The following HERC1 variants were observed in gnomAD, a reference collection of about 807,000 sequenced individuals.
The protein encoded by HERC1 is probable E3 ubiquitin-protein ligase HERC1.
In HERC1, 160 loss-of-function variants were observed where a neutral mutation model predicts 554.3. That is an observed-to-expected ratio of 0.29 (90% CI 0.25 to 0.33). The LOEUF (loss-of-function observed/expected upper bound fraction) is 0.33, where lower values mean the gene tolerates loss of function less well. Among genes scored for constraint, HERC1 ranks in the 10% least tolerant of loss-of-function variants. The pLI is 1.00. For synonymous variants in HERC1, 2,175 were observed against 2,131.7 expected (o/e 1.02, Z -0.56); for missense variants, 4,919 against 5,918.5 (o/e 0.83, Z 5.54).
At chr15:63,686,687 T>C (rs1008218426) in intron 33 of HERC1, among the ~76,000 whole-genome samples, 152 bp from the exon 34 acceptor site, 3 of 152,192 alleles carry the variant, frequency 2.0e-5, no homozygotes, top group Non-Finnish European at 2.9e-5. Context: ...CAATGATAAA[T>C]AGAGCATGGT....
rs547911176 is a variant in HERC1, at chr15:63,619,208, G to A, written c.13689-2526C>T. Among the ~76,000 whole-genome samples, 519 of 152,258 alleles carry A rather than the reference G, an allele frequency of 3.4e-3. 2 individuals carry two copies. The highest frequency in any genetic ancestry group is 5.8e-3 in the Non-Finnish European group (393 of 68,012). On this transcript the variant is annotated intron_variant, in intron 74 of 77. Coordinates refer to ENST00000443617, the MANE Select transcript of HERC1 (RefSeq NM_003922.4). ...TTATTGAGAGTTTTTAGCATGAAGC[G>A]TTGTTGAATTTTGTCAAAGGCCTTT...
Position 63,609,199 on chromosome 15 carries a change from T to C in HERC1, c.14468A>G (p.Gln4823Arg). The change falls in exon 78 of 78, where the codon CAG becomes CGG. Residue 4823 changes from glutamine to arginine, a missense_variant. Physicochemically the swap from Gln to Arg is conservative, Grantham distance 43. Transcript: ENST00000443617. Reference protein sequence around the residue: ...FQLRLPPYSSQLVMAERLRYA... With the variant: ...FQLRLPPYSSRLVMAERLRYA... ...GCGCAGGCGCTCGGCCATGACCAGC[T>C]GGCTGGAGTACGGGGGCAGCCTCAG... The C allele has an allele frequency of 6.2e-7, 1 of 1,613,736 alleles. No individual in the cohort carries two copies. Among genetic ancestry groups the C allele is most frequent in the African/African-American group, 1.3e-5 (1 of 75,052 alleles).
At position 63,674,747 on chromosome 15, in the gene HERC1, TTTGATGTTGGGA is replaced by T. The variant is rs774541143; in HGVS notation, c.7429_7440del (p.Ser2477_Gln2480del). On this transcript the variant is annotated inframe_deletion, in exon 38 of 78. Transcript: ENST00000443617. ...TGATTTTTTCTTTTCCCTTCTGTTA[TTTGATGTTGGGA>T]TTCCACACTTGGCAGTGTTGGATCT... is the stretch of plus-strand genomic sequence containing the variant. The T allele has an allele frequency of 6.2e-7, 1 of 1,613,922 alleles. No homozygotes were observed.
chr15:63,792,060 G>A (rs1478426570), intron 1 of HERC1, among the ~76,000 whole-genome samples: 1 of 152,096 alleles, frequency 6.6e-6, no homozygotes, highest in African/African-American at 2.4e-5. Flanking sequence ...TACATAGTAG[G>A]TTCACTGATT....
intron 1 of HERC1, among the ~76,000 whole-genome samples, chr15:63,824,592 G>A (rs933839430): frequency 2.0e-5 from 3 of 151,520 alleles, no homozygotes; most frequent in East Asian, 1.9e-4. Flanking sequence ...CTCTCTTCTC[G>A]GTTTTAACCC....
At position 63,725,477 on chromosome 15, in the gene HERC1, A is replaced by G. The variant is rs1368319723; in HGVS notation, c.3383T>C (p.Leu1128Ser). 2.5e-6 allele frequency: 4 copies of G among 1,613,974 alleles called. No homozygotes were observed. Among genetic ancestry groups the G allele is most frequent in the Non-Finnish European group, 3.4e-6 (4 of 1,179,882 alleles). The change falls in exon 18 of 78, where the codon TTA becomes TCA. Residue 1128 changes from leucine to serine, a missense_variant. Transcript: ENST00000443617. The part of the protein sequence containing the change: ...PELIDPAGLP[L>S]PQPAQSWVWL... ...TACCCAGGACTGAGCTGGCTGAGGT[A>G]ATGGCAGACCAGCAGGATCAATTAG...
intron 12 of HERC1, among the ~76,000 whole-genome samples, chr15:63,746,527 T>TTACA (rs1296678690): frequency 6.6e-6 from 1 of 152,218 alleles, no homozygotes; most frequent in Non-Finnish European, 1.5e-5. Flanking sequence ...TTAGCTCTGG[T>TTACA]TACAGTTCTA....
chr15:63,753,616 T>TCAATA (rs1459378095), intron 7 of HERC1, among the ~76,000 whole-genome samples: 1 of 152,160 alleles, frequency 6.6e-6, no homozygotes, highest in Non-Finnish European at 1.5e-5. Context: ...TGATACCATT[T>TCAATA]TCACTATTGA....
Position 63,681,224 on chromosome 15 carries a change from T to G in HERC1, c.6226-448A>C, listed in dbSNP as rs187356650. ...TTTTGTTTTTAATTTTCTAAAGAGA[T>G]GGGGTCTCACTCTGTTTCCCAGGCT... On this transcript the variant is annotated intron_variant, in intron 34 of 77. Coordinates refer to ENST00000443617, the MANE Select transcript of HERC1 (RefSeq NM_003922.4). Among the ~76,000 whole-genome samples the G allele has an allele frequency of 3.5e-3, 531 of 152,242 alleles. 4 individuals are homozygous for G. Among genetic ancestry groups the G allele is most frequent in the Non-Finnish European group, 4.3e-3 (294 of 68,008 alleles).
intron 2 of HERC1, among the ~76,000 whole-genome samples, chr15:63,774,375 T>A (rs1002456109): frequency 6.6e-6 from 1 of 152,170 alleles, no homozygotes; most frequent in African/African-American, 2.4e-5. Flanking sequence ...TCTAAAGACC[T>A]GCTGATCACT....
chr15:63,726,692 G>A (rs1445872202), intron 17 of HERC1, among the ~76,000 whole-genome samples: 1 of 152,160 alleles, frequency 6.6e-6, no homozygotes, highest in Non-Finnish European at 1.5e-5. Context: ...AATTGCCAGA[G>A]TCTGTCTACA....
Position 63,718,923 on chromosome 15 carries a change from A to G in HERC1, c.3743-26T>C. The G allele has an allele frequency of 6.7e-7, 1 of 1,497,212 alleles. No homozygotes were observed. The highest frequency in any genetic ancestry group is 9.2e-7 in the Non-Finnish European group (1 of 1,085,090). 92.7% of individuals were successfully genotyped at this position (1,497,212 alleles called of 1,614,324 possible). On this transcript the variant is annotated intron_variant, in intron 19 of 77. Coordinates refer to ENST00000443617, the MANE Select transcript of HERC1 (RefSeq NM_003922.4). This position sits in a 1 kb window ranked among gnomAD's most constrained non-coding sequence, Gnocchi z 4.2. The stretch of plus-strand genomic sequence containing the variant: ...CTGAAAATAAAAATGATGCATTGAC[A>G]TTTAAAAGGGCTCAGAAAACAGTTC...
chr15:63,830,196 A>C (rs2078107834), intron 1 of HERC1, among the ~76,000 whole-genome samples: 1 of 152,244 alleles, frequency 6.6e-6, no homozygotes, highest in Non-Finnish European at 1.5e-5. Context: ...AAGAATAGTA[A>C]CTTTACTGTG....
At chr15:63,785,255 CT>C (rs1240476534) in intron 1 of HERC1, among the ~76,000 whole-genome samples, 1 of 151,836 alleles carries the variant, frequency 6.6e-6, no homozygotes, top group Non-Finnish European at 1.5e-5. Context: ...AAGACATTAC[CT>C]TGACAAAATG....
At chr15:63,795,319 G>C (rs1291327088) in intron 1 of HERC1, among the ~76,000 whole-genome samples, 1 of 151,902 alleles carries the variant, frequency 6.6e-6, no homozygotes, top group Non-Finnish European at 1.5e-5. Flanking sequence ...GAAGTTCAAA[G>C]TAGATAAAGA....
At position 63,669,680 on chromosome 15, in the gene HERC1, G is replaced by A. The variant is rs771969236; in HGVS notation, c.8064C>T (p.Tyr2688=). 7 of 1,613,624 alleles carry A rather than the reference G, an allele frequency of 4.3e-6. No individual in the cohort carries two copies. In the Admixed American group the frequency reaches 5.0e-5, roughly 12 times the overall value. The part of the protein sequence containing the change: ...LSLLRQMFSS[Y]PTTTVLPTRR... ...GTGTGGGAAGTACAGTGGTAGTTGG[G>A]TAACTAGAGAACATTTGCCTTTAAG... Residue 2688 remains tyrosine (Y), a synonymous_variant, in exon 40 of 78, where the codon TAC becomes TAT. Transcript: ENST00000443617.
intron 69 of HERC1, among the ~76,000 whole-genome samples, chr15:63,629,682 C>T (rs62012828): frequency 0.015 from 2,348 of 152,222 alleles, 19 homozygotes; most frequent in African/African-American, 0.021. Flanking sequence ...ACCACAATGA[C>T]GAGCAGCTTC....
chr15:63,821,726 CAAAAAAAA>C (rs35074987), intron 1 of HERC1, among the ~76,000 whole-genome samples: 4 of 62,476 alleles, frequency 6.4e-5, no homozygotes, highest in Non-Finnish European at 8.5e-5. Flanking sequence ...TACCCTGTCT[CAAAAAAAA>C]AAAAAAAAAA....
chr15:63,687,364 C>A (rs2071826554), intron 33 of HERC1, among the ~76,000 whole-genome samples: 1 of 152,008 alleles, frequency 6.6e-6, no homozygotes, highest in African/African-American at 2.4e-5. Context: ...ATGGTGAAAC[C>A]CCGTCTCTAC....
Sources: allele counts gnomAD v4.1 joint callset (sites outside exome capture counted in the v4.1 genomes callset), GRCh38; gene constraint gnomAD v4.1.1; non-coding constraint Gnocchi (gnomAD v3.1); transcripts MANE v1.5; gene names NCBI Gene and HGNC (gene_info 2026-07-23, HGNC 2026-07-21).